Variants in MORN4 observed in about 807,000 individuals in gnomAD.
The protein encoded by MORN4 is MORN repeat containing 4, also known as MORN repeat-containing protein 4.
In MORN4, 8 loss-of-function variants were observed where a neutral mutation model predicts 16.4. The ratio of observed to expected loss-of-function variants is 0.49; its 90% CI spans 0.29 to 0.88. The LOEUF is 0.88. MORN4 is among the 40% of genes least tolerant of loss of function. The pLI is 0.09. For synonymous variants in MORN4, 53 were observed against 68.9 expected (o/e 0.77, Z 1.14); for missense variants, 159 against 182.9 (o/e 0.87, Z 0.75).
At chr10:97,633,927 A>G (rs1423242082), upstream of MORN4, among the ~76,000 whole-genome samples, 1 of 152,214 alleles carries the variant, frequency 6.6e-6, no homozygotes, top group Non-Finnish European at 1.5e-5. The surrounding 1 kb of genome is among the most constrained non-coding windows in gnomAD (Gnocchi z 4.5). Context: ...TTGTGATATC[A>G]AGACACTTTT....
chr10:97,628,916 CCTT>C (rs1469783478), intron 1 of MORN4, among the ~76,000 whole-genome samples: 2 of 152,180 alleles, frequency 1.3e-5, no homozygotes, highest in African/African-American at 2.4e-5. Context: ...GAAAAGGTTA[CCTT>C]CTTATTACCA....
rs565435060 is a variant in MORN4, at chr10:97,627,412, A to G, written c.-31+5935T>C. On this transcript the variant is annotated intron_variant, in intron 1 of 4. Coordinates refer to ENST00000307450, the MANE Select transcript of MORN4 (RefSeq NM_178832.4). ...GCCCACCTCGGCCTCCCAAAGTGCTAGATTACAGGCGTGAGCTACCGCGCC... is the reference window on the plus strand; with the variant it reads ...GCCCACCTCGGCCTCCCAAAGTGCTGGATTACAGGCGTGAGCTACCGCGCC... 2.6e-5 allele frequency among the ~76,000 whole-genome samples: 4 copies of G among 152,262 alleles called. No homozygotes were observed. The South Asian group carries it at 8.3e-4, about 32-fold the overall frequency.
At chr10:97,622,685 C>A (rs1318633905) in intron 1 of MORN4, among the ~76,000 whole-genome samples, 2 of 117,590 alleles carry the variant, frequency 1.7e-5, no homozygotes, top group Non-Finnish European at 3.0e-5. Context: ...CAGAGGGAGA[C>A]CCTGTCTCAA....
In MORN4 at chr10:97,617,423, A is replaced by G. The variant is rs1322266051; in HGVS notation, c.68-101T>C. 4.6e-6 allele frequency: 4 copies of G among 862,614 alleles called. No homozygotes were observed. In the African/African-American group the frequency reaches 5.0e-5, roughly 11 times the overall value. The allele number at this position is 862,614 out of a possible 1,614,324, so 53.4% of individuals were successfully genotyped here. Reference sequence around the variant, plus strand: ...TTACCTGCCATCACCCTACCCACAAAGAAAACAAGAGAAGCAGTGACATTA... The same window carrying G: ...TTACCTGCCATCACCCTACCCACAAGGAAAACAAGAGAAGCAGTGACATTA... On this transcript the variant is annotated intron_variant, in intron 2 of 4. Transcript: ENST00000307450.
At chr10:97,619,512 G>T in intron 2 of MORN4, 75 bp downstream of exon 2, 3 of 1,031,464 alleles carry the variant, frequency 2.9e-6, no homozygotes, top group Non-Finnish European at 4.6e-6. Context: ...CATAAAGTTG[G>T]CTATATATCC....
At position 97,627,138 on chromosome 10, in the gene MORN4, C is replaced by CT. The variant is rs111799651; in HGVS notation, c.-31+6208dup. On this transcript the variant is annotated intron_variant, in intron 1 of 4. Transcript: ENST00000307450. ...AGCTTCAGCAGAGGGACCTGAACACCTTTTTTTTTTTGTTTTTTGTTTTTT... is the reference window on the plus strand; with the variant it reads ...AGCTTCAGCAGAGGGACCTGAACACCTTTTTTTTTTTTGTTTTTTGTTTTTT... Among the ~76,000 whole-genome samples the CT allele has an allele frequency of 1.5e-3, 222 of 146,178 alleles. 1 individual carries two copies. Among genetic ancestry groups the CT allele is most frequent in the African/African-American group, 4.3e-3 (174 of 40,466 alleles).
rs750766825 is a variant in MORN4 at position 97,617,202 on chromosome 10, A to G, written c.182+6T>C. 6.2e-7 allele frequency: 1 copy of G among 1,608,316 alleles called. No homozygotes were observed. Among genetic ancestry groups the G allele is most frequent in the Non-Finnish European group, 8.5e-7 (1 of 1,174,692 alleles). Reference sequence around the variant, plus strand: ...AAGGCTAAGAAAGGAATGACCTCATACCCACCTTGAACCATCTGAGAAGGT... The same window carrying G: ...AAGGCTAAGAAAGGAATGACCTCATGCCCACCTTGAACCATCTGAGAAGGT... On this transcript the variant is annotated splice_donor_region_variant and intron_variant, in intron 3 of 4. Transcript: ENST00000307450.
At chr10:97,620,488 CAAAAAAAAA>C (rs1210683127) in intron 1 of MORN4, among the ~76,000 whole-genome samples, 1 of 41,214 alleles carries the variant, frequency 2.4e-5, no homozygotes, top group Non-Finnish European at 4.5e-5. Context: ...GACTCTGTCT[CAAAAAAAAA>C]AAAAAAAAAA....
At chr10:97,627,413 G>T (rs1381850970) in intron 1 of MORN4, among the ~76,000 whole-genome samples, 6 of 152,200 alleles carry the variant, frequency 3.9e-5, no homozygotes, top group African/African-American at 1.2e-4. Flanking sequence ...CAAAGTGCTA[G>T]ATTACAGGCG....
At chr10:97,617,992 T>C (rs113089993) in intron 2 of MORN4, among the ~76,000 whole-genome samples, 1 of 151,952 alleles carries the variant, frequency 6.6e-6, no homozygotes, top group African/African-American at 2.4e-5. Context: ...CTGGCTAACA[T>C]GGTGAAACCC....
Position 97,615,201 on chromosome 10 carries a change from G to C in MORN4, c.*1062C>G, listed in dbSNP as rs2041225664. 6.6e-6 allele frequency: 1 copy of C among 152,566 alleles called. No individual in the cohort carries two copies. Among genetic ancestry groups the C allele is most frequent in the African/African-American group, 2.4e-5 (1 of 41,418 alleles). 9.5% of individuals were successfully genotyped at this position (152,566 alleles called of 1,614,324 possible). On this transcript the variant is annotated 3_prime_UTR_variant, in exon 5 of 5. Coordinates refer to ENST00000307450, the MANE Select transcript of MORN4 (RefSeq NM_178832.4). Reference sequence around the variant, plus strand: ...GCACTCTTACCGAATCCTTCACGGGGACATAGGCAGGAATGAATACCAGTC... The same window carrying C: ...GCACTCTTACCGAATCCTTCACGGGCACATAGGCAGGAATGAATACCAGTC...
chr10:97,627,016 C>A (rs191225285), intron 1 of MORN4, among the ~76,000 whole-genome samples: 68 of 152,054 alleles, frequency 4.5e-4, no homozygotes, highest in African/African-American at 1.5e-3. Flanking sequence ...CTTGGCCTCC[C>A]AAAGTGCTGG....
chr10:97,630,985 G>C (rs959629393), intron 1 of MORN4, among the ~76,000 whole-genome samples: 1 of 152,112 alleles, frequency 6.6e-6, no homozygotes, highest in Non-Finnish European at 1.5e-5. Context: ...TGAGTAGCTG[G>C]GACTACAGGA....
intron 1 of MORN4, among the ~76,000 whole-genome samples, chr10:97,620,514 A>G (rs1238336779): frequency 6.6e-6 from 1 of 150,420 alleles, no homozygotes; most frequent in South Asian, 2.1e-4. Flanking sequence ...AAAAGAAAAA[A>G]AAAAGAAAAT....
At chr10:97,627,515 C>T (rs563423053) in intron 1 of MORN4, among the ~76,000 whole-genome samples, 2 of 152,292 alleles carry the variant, frequency 1.3e-5, no homozygotes, top group South Asian at 4.1e-4. Flanking sequence ...TAGGCCTGAC[C>T]AGAGCAGGGT....
intron 1 of MORN4, among the ~76,000 whole-genome samples, chr10:97,622,662 C>T (rs111923685): frequency 0.046 from 6,627 of 143,922 alleles, 368 homozygotes; most frequent in East Asian, 0.19. Flanking sequence ...CCACGACACT[C>T]CAGCCTGGGC....
rs1318178865 is a variant in MORN4, at chr10:97,617,210, T to C, written c.180A>G (p.Ser60=). ...GFGVLTFSDG[S]RYEGEFAQGK... ...GAAAGGAATGACCTCATACCCACCT[T>C]GAACCATCTGAGAAGGTCAATACCC... The change falls in exon 3 of 5, where the codon TCA becomes TCG. Residue 60 remains serine, a splice_region_variant and synonymous_variant. Coordinates refer to ENST00000307450, the MANE Select transcript of MORN4 (RefSeq NM_178832.4). 6.2e-7 allele frequency: 1 copy of C among 1,613,076 alleles called. No homozygotes were observed. The highest frequency in any genetic ancestry group is 1.1e-5 in the South Asian group (1 of 91,054).
In MORN4 at chr10:97,633,431, G is replaced by T. The variant is rs1222825404; in HGVS notation, c.-115C>A. ...CTTTTCCTCTGATGGGCTCCCGGCT[G>T]CCACCTTGCTCTCCGCCACCTCCAC... On this transcript the variant is annotated 5_prime_UTR_variant, in exon 1 of 5. Transcript: ENST00000307450. The surrounding 1 kb of genome is among the most constrained non-coding windows in gnomAD (Gnocchi z 4.5). 1 of 1,289,900 alleles carries T rather than the reference G, an allele frequency of 7.8e-7. No individual in the cohort carries two copies. Among genetic ancestry groups the T allele is most frequent in the South Asian group, 1.2e-5 (1 of 81,036 alleles). The allele number at this position is 1,289,900 out of a possible 1,614,324, so 79.9% of individuals were successfully genotyped here. A position where few individuals can be genotyped will look rare whatever the true frequency, so the allele number is the denominator to read the frequency against.
At chr10:97,616,923 C>A (rs1457651645) in intron 3 of MORN4, 136 bp from the exon 4 acceptor site, 2 of 678,164 alleles carry the variant, frequency 2.9e-6, no homozygotes, top group East Asian at 2.6e-5. Flanking sequence ...GCTCCACCTA[C>A]CCCACCTATT....
Sources: allele counts gnomAD v4.1 joint callset (sites outside exome capture counted in the v4.1 genomes callset), GRCh38; gene constraint gnomAD v4.1.1; non-coding constraint Gnocchi (gnomAD v3.1); transcripts MANE v1.5; gene names NCBI Gene and HGNC (gene_info 2026-07-23, HGNC 2026-07-21).